The following TDRD15 variants were observed in gnomAD, a reference collection of about 807,000 sequenced individuals.
TDRD15 encodes the protein tudor domain containing 15.
For missense variants in TDRD15, 1,416 were observed against 904.7 expected, an observed-to-expected ratio of 1.57 and a Z score of -7.25; for synonymous variants, 503 against 314.5, an observed-to-expected ratio of 1.60 and a Z score of -6.34.
At chr2:21,136,268 G>A (rs1665805238) in intron 3 of TDRD15, among the ~76,000 whole-genome samples, 1 of 151,982 alleles carries the variant, frequency 6.6e-6, no homozygotes, top group Non-Finnish European at 1.5e-5. Flanking sequence ...TTTATATTCT[G>A]TCCCTACATA....
intron 2 of TDRD15, among the ~76,000 whole-genome samples, chr2:21,133,976 AATTTC>A (rs898237252): frequency 3.9e-5 from 6 of 151,992 alleles, no homozygotes; most frequent in Non-Finnish European, 8.8e-5. Context: ...TATGAAAGTT[AATTTC>A]ATTTGTCTCT....
chr2:21,143,143 AG>A lies in TDRD15; in HGVS notation c.5677del (p.Val1893Ter), dbSNP rs1389613047. ...AATATCATTCTGAAACAAAACTGAA[AG>A]TAGATGTCATTCATGAGAAAAACAA... ...REYHSETKLK[V>X]DVIHEKNNLA... is the part of the protein sequence containing the mutation. On this transcript the variant is annotated frameshift_variant, in exon 4 of 4. Transcript: ENST00000405799. LOFTEE classifies it low-confidence loss of function (END_TRUNC). 1 of 708,544 alleles carries A rather than the reference AG, an allele frequency of 1.4e-6. No individual in the cohort carries two copies. Among genetic ancestry groups the A allele is most frequent in the African/African-American group, 1.8e-5 (1 of 56,802 alleles). The allele number at this position is 708,544 out of a possible 1,614,324, so 43.9% of individuals were successfully genotyped here.
intron 2 of TDRD15, among the ~76,000 whole-genome samples, chr2:21,128,188 C>T (rs911580627): frequency 3.3e-5 from 5 of 152,050 alleles, no homozygotes. Context: ...TTTCCTAATA[C>T]AGTACATGGA....
chr2:21,134,935 T>A (rs1665779659), intron 3 of TDRD15, 88 bp downstream of exon 3: 2 of 150,338 alleles, frequency 1.3e-5, no homozygotes, highest in Non-Finnish European at 3.0e-5. Flanking sequence ...TTAAATTATG[T>A]CTTTAAAGTA....
At position 21,140,255 on chromosome 2, in the gene TDRD15, C is replaced by T. The variant is rs1443788622; in HGVS notation, c.2788C>T (p.Leu930Phe). ...QSSFTSAKEF[L>F]MNRGSAQYIT... Reference sequence around the variant, plus strand: ...CTCATTTACTAGTGCAAAAGAATTTCTTATGAATCGTGGCTCTGCTCAGTA... The same window carrying T: ...CTCATTTACTAGTGCAAAAGAATTTTTTATGAATCGTGGCTCTGCTCAGTA... Residue 930 changes from leucine (L) to phenylalanine (F), a missense_variant, in exon 4 of 4, where the codon CTT becomes TTT. Physicochemically the swap from Leu to Phe is conservative, Grantham distance 22. Transcript: ENST00000405799. 1 of 715,300 alleles carries T rather than the reference C, an allele frequency of 1.4e-6. No individual in the cohort carries two copies. The highest frequency in any genetic ancestry group is 2.7e-5 in the East Asian group (1 of 37,222). The allele number at this position is 715,300 out of a possible 1,614,324, so 44.3% of individuals were successfully genotyped here. A position where few individuals can be genotyped will look rare whatever the true frequency, so the allele number is the denominator to read the frequency against.
rs953644723 is a variant in TDRD15, at chr2:21,143,941, G to A, written c.*669G>A. On this transcript the variant is annotated 3_prime_UTR_variant, in exon 4 of 4. Coordinates refer to ENST00000405799, the MANE Select transcript of TDRD15 (RefSeq NM_001306137.2). ...ACACATGCATGCACACACGCATGAC[G>A]TTTCACAAATAATTTCAAGGGTTTC... 1.3e-5 allele frequency among the ~76,000 whole-genome samples: 2 copies of A among 151,648 alleles called. No homozygotes were observed. The highest frequency in any genetic ancestry group is 4.8e-5 in the African/African-American group (2 of 41,368).
chr2:21,126,303 C>G (rs959979595), intron 1 of TDRD15, among the ~76,000 whole-genome samples: 3 of 151,820 alleles, frequency 2.0e-5, no homozygotes, highest in Non-Finnish European at 1.5e-5. Flanking sequence ...TATTCTGCCT[C>G]TTTGTGTTTC....
chr2:21,137,534 C>A lies in TDRD15; in HGVS notation c.67C>A (p.Leu23Ile). 1.4e-6 allele frequency: 1 copy of A among 708,430 alleles called. No individual in the cohort carries two copies. 43.9% of individuals were successfully genotyped at this position (708,430 alleles called of 1,614,324 possible). ...TCTGACAATATCACATATTAAATGT[C>A]TTCCCAAGGATATTCTGGTGAAATT... ...VDLTISHIKC[L>I]PKDILVKFQG... The change falls in exon 4 of 4, where the codon CTT becomes ATT. Residue 23 changes from leucine (L) to isoleucine (I), a missense_variant. Transcript: ENST00000405799.
At position 21,142,124 on chromosome 2, in the gene TDRD15, T is replaced by G. The variant is rs556476010; in HGVS notation, c.4657T>G (p.Leu1553Val). The G allele has an allele frequency of 2.9e-6, 2 of 679,888 alleles. No homozygotes were observed. Among genetic ancestry groups the G allele is most frequent in the African/African-American group, 1.8e-5 (1 of 54,772 alleles). 42.1% of individuals were successfully genotyped at this position (679,888 alleles called of 1,614,324 possible). ...YVKLSKNKKI[L>V]SDLIVLITKE... ...GAAGTTATCCAAAAATAAAAAAATT[T>G]TATCAGATTTAATAGTATTAATTAC... is the stretch of plus-strand genomic sequence containing the variant. The change falls in exon 4 of 4, where the codon TTA (leucine) becomes GTA (valine). Residue 1553 changes from leucine to valine, a missense_variant. Leu to Val is a conservative substitution (Grantham distance 32). Coordinates refer to ENST00000405799, the MANE Select transcript of TDRD15 (RefSeq NM_001306137.2).
downstream of TDRD15, among the ~76,000 whole-genome samples, chr2:21,144,832 TG>T: frequency 8.1e-6 from 1 of 122,772 alleles, no homozygotes; most frequent in South Asian, 2.7e-4. Context: ...TATTGAAGAC[TG>T]ACTTATATTC....
rs543025812 is a variant in TDRD15 at position 21,142,665 on chromosome 2, G to C, written c.5198G>C (p.Arg1733Thr). 44 of 711,834 alleles carry C rather than the reference G, an allele frequency of 6.2e-5. No individual in the cohort carries two copies. The African/African-American group carries it at 7.7e-4, about 12-fold the overall frequency. The allele number at this position is 711,834 out of a possible 1,614,324, so 44.1% of individuals were successfully genotyped here. A position where few individuals can be genotyped will look rare whatever the true frequency, so the allele number is the denominator to read the frequency against. Residue 1733 changes from arginine (R) to threonine (T), a missense_variant, in exon 4 of 4, where the codon AGG becomes ACG. By Grantham distance (71) the Arg-to-Thr change is moderately conservative. Coordinates refer to ENST00000405799, the MANE Select transcript of TDRD15 (RefSeq NM_001306137.2). The part of the protein sequence containing the change: ...SFTWVQFQND[R>T]QYSGIATAVS... Reference sequence around the variant, plus strand: ...ACTTGGGTTCAATTCCAAAATGATAGGCAGTATTCTGGTATTGCAACTGCT... The same window carrying C: ...ACTTGGGTTCAATTCCAAAATGATACGCAGTATTCTGGTATTGCAACTGCT...
In TDRD15 at chr2:21,142,644, G is replaced by C; in HGVS notation, c.5177G>C (p.Trp1726Ser). 4.2e-6 allele frequency: 3 copies of C among 712,198 alleles called. No homozygotes were observed. Among genetic ancestry groups the C allele is most frequent in the Non-Finnish European group, 7.8e-6 (3 of 382,810 alleles). 44.1% of individuals were successfully genotyped at this position (712,198 alleles called of 1,614,324 possible). A position where few individuals can be genotyped will look rare whatever the true frequency, so the allele number is the denominator to read the frequency against. Residue 1726 changes from tryptophan (W) to serine (S), a missense_variant, in exon 4 of 4, where the codon TGG becomes TCG. Coordinates refer to ENST00000405799, the MANE Select transcript of TDRD15 (RefSeq NM_001306137.2). ...VSSCTIKSFTWVQFQNDRQYS... is the reference protein window; with the variant it reads ...VSSCTIKSFTSVQFQNDRQYS... ...TCATGCACAATAAAATCATTTACTT[G>C]GGTTCAATTCCAAAATGATAGGCAG...
At chr2:21,127,243 C>A (rs1460007397) in intron 1 of TDRD15, among the ~76,000 whole-genome samples, 2 of 151,368 alleles carry the variant, frequency 1.3e-5, no homozygotes, top group African/African-American at 4.9e-5. Flanking sequence ...TAAGTATTTT[C>A]TCACTCTCTC....
intron 3 of TDRD15, among the ~76,000 whole-genome samples, chr2:21,135,797 A>T (rs1303399626): frequency 6.6e-6 from 1 of 151,998 alleles, no homozygotes; most frequent in African/African-American, 2.4e-5. Context: ...TATAAACCAG[A>T]TGTTTACCCC....
Position 21,142,302 on chromosome 2 carries a change from G to T in TDRD15, c.4835G>T (p.Cys1612Phe). 1.5e-6 allele frequency: 1 copy of T among 688,720 alleles called. No individual in the cohort carries two copies. The highest frequency in any genetic ancestry group is 2.4e-5 in the Admixed American group (1 of 41,586). The allele number at this position is 688,720 out of a possible 1,614,324, so 42.7% of individuals were successfully genotyped here. Reference protein sequence around the residue: ...DDKVLVFLVDCGIYEIVPVCN... With the variant: ...DDKVLVFLVDFGIYEIVPVCN... ...AAAGTACTTGTTTTTTTAGTAGATT[G>T]TGGTATCTATGAAATAGTACCTGTA... Residue 1612 changes from cysteine to phenylalanine, a missense_variant, in exon 4 of 4, where the codon TGT becomes TTT. Coordinates refer to ENST00000405799, the MANE Select transcript of TDRD15 (RefSeq NM_001306137.2).
chr2:21,139,049 A>T lies in TDRD15; in HGVS notation c.1582A>T (p.Ile528Phe). Reference protein sequence around the residue: ...FYDLCENDEMILRKPEPGLFC... With the variant: ...FYDLCENDEMFLRKPEPGLFC... Reference sequence around the variant, plus strand: ...TGATTTGTGTGAAAACGATGAAATGATTCTAAGAAAACCTGAACCTGGATT... The same window carrying T: ...TGATTTGTGTGAAAACGATGAAATGTTTCTAAGAAAACCTGAACCTGGATT... The change falls in exon 4 of 4, where the codon ATT becomes TTT. Residue 528 changes from isoleucine to phenylalanine, a missense_variant. Transcript: ENST00000405799. The T allele has an allele frequency of 1.4e-6, 1 of 715,034 alleles. No homozygotes were observed. Among genetic ancestry groups the T allele is most frequent in the Non-Finnish European group, 2.6e-6 (1 of 383,902 alleles). The allele number at this position is 715,034 out of a possible 1,614,324, so 44.3% of individuals were successfully genotyped here.
chr2:21,124,734 G>C (rs1665547554), intron 1 of TDRD15, among the ~76,000 whole-genome samples: 2 of 142,214 alleles, frequency 1.4e-5, no homozygotes, highest in African/African-American at 2.7e-5. Context: ...TAATGCCAGG[G>C]TGTGTGTGCG....
At chr2:21,145,355 C>G (rs1666013986), downstream of TDRD15, among the ~76,000 whole-genome samples, 1 of 152,074 alleles carries the variant, frequency 6.6e-6, no homozygotes, top group Non-Finnish European at 1.5e-5. Context: ...AAACTATTGG[C>G]ACCAAACCAT....
rs1367742338 is a variant in TDRD15, at chr2:21,139,704, C to A, written c.2237C>A (p.Pro746His). 1 of 714,988 alleles carries A rather than the reference C, an allele frequency of 1.4e-6. No homozygotes were observed. 44.3% of individuals were successfully genotyped at this position (714,988 alleles called of 1,614,324 possible). A position where few individuals can be genotyped will look rare whatever the true frequency, so the allele number is the denominator to read the frequency against. Residue 746 changes from proline (P) to histidine (H), a missense_variant, in exon 4 of 4, where the codon CCT becomes CAT. Physicochemically the swap from Pro to His is moderately conservative, Grantham distance 77. Coordinates refer to ENST00000405799, the MANE Select transcript of TDRD15 (RefSeq NM_001306137.2). Reference sequence around the variant, plus strand: ...TCTGTGGGACCTGAGTCATCCTGGCCTTATAAAGAATATATTTTTAGACCA... The same window carrying A: ...TCTGTGGGACCTGAGTCATCCTGGCATTATAAAGAATATATTTTTAGACCA... ...TLSVGPESSWPYKEYIFRPGT... is the reference protein window; with the variant it reads ...TLSVGPESSWHYKEYIFRPGT...
Sources: allele counts gnomAD v4.1 joint callset (sites outside exome capture counted in the v4.1 genomes callset), GRCh38; gene constraint gnomAD v4.1.1; transcripts MANE v1.5; gene names NCBI Gene and HGNC (gene_info 2026-07-23, HGNC 2026-07-21).